Variants in OASL observed in about 807,000 individuals in gnomAD.
OASL encodes the protein 2'-5'-oligoadenylate synthase-like protein.
In OASL, 28 loss-of-function variants were observed where a neutral mutation model predicts 35.3. That is an observed-to-expected ratio of 0.79 (90% CI 0.59 to 1.09). The LOEUF is 1.09. Among genes scored for constraint, OASL ranks in the 50% least tolerant of loss-of-function variants. OASL has a pLI of 0.00. For synonymous variants in OASL, 252 were observed against 254.6 expected (o/e 0.99, Z 0.10); for missense variants, 620 against 635.2 (o/e 0.98, Z 0.26).
Position 121,033,555 on chromosome 12 carries a change from C to G in OASL, c.387G>C (p.Glu129Asp), listed in dbSNP as rs1422925914. The G allele has an allele frequency of 3.7e-6, 6 of 1,614,166 alleles. 1 individual carries two copies. In the South Asian group the frequency reaches 6.6e-5, roughly 18 times the overall value. Residue 129 changes from glutamate to aspartate, a missense_variant, in exon 2 of 6, where the codon GAG (glutamate) becomes GAC (aspartate). Transcript: ENST00000257570. ...AGACGAGAGCATCGGGGACTCTCTG[C>G]TCCATCCTCAGGTCCTCGAGCCCGA... is the stretch of plus-strand genomic sequence containing the variant.
chr12:121,023,098 C>A (rs186256568), intron 5 of OASL, among the ~76,000 whole-genome samples: 1 of 152,232 alleles, frequency 6.6e-6, no homozygotes, highest in East Asian at 1.9e-4. Flanking sequence ...TTTTTGTGAT[C>A]TCTGCCTATA....
exon 4 of OASL, chr12:121,027,703 C>T (rs374109882): frequency 7.1e-5 from 115 of 1,614,048 alleles, no homozygotes; most frequent in Middle Eastern, 4.9e-4. Context: ...GTGAAGCCTT[C>T]GTCCAACATG....
At chr12:121,021,574 G>T (rs1472847252) in intron 5 of OASL, among the ~76,000 whole-genome samples, 1 of 152,248 alleles carries the variant, frequency 6.6e-6, no homozygotes, top group African/African-American at 2.4e-5. Flanking sequence ...ACTTTGGGAG[G>T]CCAAGGCGGG....
intron 3 of OASL, among the ~76,000 whole-genome samples, chr12:121,030,567 A>T (rs902849729): frequency 6.6e-6 from 1 of 151,720 alleles, no homozygotes; most frequent in Non-Finnish European, 1.5e-5. Flanking sequence ...ACTTCTCTGC[A>T]AGTTCTATAT....
rs774760823 is a variant in OASL at position 121,033,484 on chromosome 12, A to G, written c.458T>C (p.Ile153Thr). The G allele has an allele frequency of 3.2e-5, 51 of 1,613,090 alleles. 1 individual carries two copies. In the East Asian group the frequency reaches 7.8e-4, roughly 25 times the overall value. ...ACCCAGGGCTCTGTAGGCAGGCACAATGGTGACCGTGATGGGCTCCGCAGT... is the reference window on the plus strand; with the variant it reads ...ACCCAGGGCTCTGTAGGCAGGCACAGTGGTGACCGTGATGGGCTCCGCAGT... Residue 153 changes from isoleucine (I) to threonine (T), a missense_variant, in exon 2 of 6, where the codon ATT (isoleucine) becomes ACT (threonine). Ile to Thr is a moderately conservative substitution (Grantham distance 89). Coordinates refer to ENST00000257570, the Ensembl canonical transcript of OASL.
Position 121,020,907 on chromosome 12 carries a change from GGA to G in OASL, c.1197_1198del (p.Pro400TrpfsTer3), listed in dbSNP as rs762677075. 6.2e-7 allele frequency: 1 copy of G among 1,614,212 alleles called. No homozygotes were observed. The highest frequency in any genetic ancestry group is 8.5e-7 in the Non-Finnish European group (1 of 1,180,032). Reference sequence around the variant, plus strand: ...GCTGAGAAGCTGCCTCTCACTGCCAGGAACCTGGAAGGACAGACGCTGCAGGC... The same window carrying G: ...GCTGAGAAGCTGCCTCTCACTGCCAGACCTGGAAGGACAGACGCTGCAGGC... On this transcript the variant is annotated frameshift_variant, in exon 6 of 6. Transcript: ENST00000257570. LOFTEE classifies it low-confidence loss of function (END_TRUNC).
chr12:121,036,933 G>A (rs1869979003), intron 1 of OASL, among the ~76,000 whole-genome samples: 1 of 152,208 alleles, frequency 6.6e-6, no homozygotes, highest in Admixed American at 6.5e-5. Context: ...TGAAAAGAAT[G>A]TGGGTTTGAG....
intron 1 of OASL, among the ~76,000 whole-genome samples, chr12:121,036,762 G>A (rs1248902186): frequency 6.6e-6 from 1 of 152,070 alleles, no homozygotes; most frequent in Non-Finnish European, 1.5e-5. Flanking sequence ...GGTCTAGGAG[G>A]GTCTGCCAGA....
chr12:121,032,622 G>T (rs914074602), intron 2 of OASL, among the ~76,000 whole-genome samples: 40 of 152,188 alleles, frequency 2.6e-4, no homozygotes. Context: ...ATGGACGCAC[G>T]TTGTATTGAA....
At chr12:121,030,964 C>T (rs534701672) in intron 3 of OASL, among the ~76,000 whole-genome samples, 6 of 151,756 alleles carry the variant, frequency 4.0e-5, no homozygotes, top group Non-Finnish European at 5.9e-5. Context: ...GAGACCCTGT[C>T]TCTACAAAAG....
chr12:121,024,971 C>CTTTTTTTTTTTTTTT (rs751576824), intron 4 of OASL, among the ~76,000 whole-genome samples: 1 of 63,572 alleles, frequency 1.6e-5, no homozygotes, highest in Non-Finnish European at 2.7e-5. Flanking sequence ...CCCTAAGTTC[C>CTTTTTTTTTTTTTTT]TTTTTTTTTT....
intron 4 of OASL, among the ~76,000 whole-genome samples, chr12:121,027,177 TC>T (rs1293712086): frequency 6.6e-6 from 1 of 152,208 alleles, no homozygotes; most frequent in Non-Finnish European, 1.5e-5. Context: ...TGTCGTAGGT[TC>T]CAGTTTACTC....
intron 1 of OASL, among the ~76,000 whole-genome samples, chr12:121,038,259 C>T (rs578108967): frequency 6.6e-6 from 1 of 152,102 alleles, no homozygotes; most frequent in Non-Finnish European, 1.5e-5. Flanking sequence ...GAACTTTGTC[C>T]CTAAAATACT....
intron 1 of OASL, among the ~76,000 whole-genome samples, chr12:121,037,500 G>T (rs1022716493): frequency 6.6e-6 from 1 of 152,050 alleles, no homozygotes; most frequent in African/African-American, 2.4e-5. Flanking sequence ...ATTTTAGGCC[G>T]AGTGCAGTGG....
intron 4 of OASL, among the ~76,000 whole-genome samples, chr12:121,024,927 T>A (rs1869416687): frequency 6.6e-6 from 1 of 151,746 alleles, no homozygotes; most frequent in Admixed American, 6.6e-5. Context: ...ATTTTTATTG[T>A]TTATTGTTGT....
At chr12:121,035,493 C>A (rs1869915806) in intron 1 of OASL, among the ~76,000 whole-genome samples, 1 of 150,728 alleles carries the variant, frequency 6.6e-6, no homozygotes, top group African/African-American at 2.4e-5. Flanking sequence ...CCACTACACT[C>A]CAGCCTGGGC....
At chr12:121,031,638 G>A (rs753393988) in intron 2 of OASL, 21 bp from the exon 3 acceptor site, 2 of 1,603,822 alleles carry the variant, frequency 1.2e-6, no homozygotes, top group Non-Finnish European at 1.7e-6. Flanking sequence ...AAGGAGCAAA[G>A]GAAGAGATTG....
intron 2 of OASL, 95 bp from the exon 3 acceptor site, chr12:121,031,712 G>A: frequency 9.4e-7 from 1 of 1,066,176 alleles, no homozygotes; most frequent in Non-Finnish European, 1.4e-6. Flanking sequence ...TACATTGGAA[G>A]TATCCCTCCA....
exon 1 of OASL, chr12:121,038,930 C>A: frequency 6.2e-7 from 1 of 1,614,216 alleles, no homozygotes. Flanking sequence ...AGGAGTCCAG[C>A]CTGGAGGCTG....
Sources: allele counts gnomAD v4.1 joint callset (sites outside exome capture counted in the v4.1 genomes callset), GRCh38; gene constraint gnomAD v4.1.1; transcripts MANE v1.5; gene names NCBI Gene and HGNC (gene_info 2026-07-23, HGNC 2026-07-21).